The following MTHFD2L variants were observed in gnomAD, a reference collection of about 807,000 sequenced individuals.
MTHFD2L encodes methylenetetrahydrofolate dehydrogenase (NADP+ dependent) 2 like, also known as bifunctional methylenetetrahydrofolate dehydrogenase/cyclohydrolase 2, mitochondrial.
Under a neutral mutation model 34.9 loss-of-function variants are expected in MTHFD2L, and 29 were observed. That is an observed-to-expected ratio of 0.83 (90% CI 0.62 to 1.13). MTHFD2L has a LOEUF of 1.13. MTHFD2L is among the 50% of genes most tolerant of loss of function. The pLI, the probability that MTHFD2L is intolerant of heterozygous loss-of-function variation, is 0.00. For synonymous variants in MTHFD2L, 167 were observed against 155.7 expected, an observed-to-expected ratio of 1.07 and a Z score of -0.54; for missense variants, 481 against 446.5, an observed-to-expected ratio of 1.08 and a Z score of -0.70.
chr4:74,123,330 G>A (rs1318734430), upstream of MTHFD2L: 1 of 152,152 alleles, frequency 6.6e-6, no homozygotes, highest in African/African-American at 2.4e-5. Flanking sequence ...TGGGAAACTG[G>A]AAAGAAACAA....
chr4:74,253,883 C>A (rs951552063), intron 6 of MTHFD2L, among the ~76,000 whole-genome samples: 1 of 152,156 alleles, frequency 6.6e-6, no homozygotes, highest in Non-Finnish European at 1.5e-5. Flanking sequence ...GGACCCAAGC[C>A]CCTTGCTTAC....
chr4:74,257,869 T>C (rs940288312), intron 6 of MTHFD2L, among the ~76,000 whole-genome samples: 18 of 152,062 alleles, frequency 1.2e-4, no homozygotes, highest in African/African-American at 4.3e-4. Flanking sequence ...TACAACTCAT[T>C]AGCAAAAAGT....
chr4:74,179,040 A>T (rs1260866484), intron 3 of MTHFD2L, among the ~76,000 whole-genome samples: 1 of 151,970 alleles, frequency 6.6e-6, no homozygotes. Flanking sequence ...ATTTTATTGA[A>T]TCCTACAAAC....
chr4:74,176,973 TTTACA>T (rs1729168061), intron 3 of MTHFD2L, among the ~76,000 whole-genome samples: 1 of 152,080 alleles, frequency 6.6e-6, no homozygotes, highest in South Asian at 2.1e-4. Context: ...TTTTGTGCTG[TTTACA>T]TTATATCAAA....
chr4:74,239,088 A>G (rs1179705326), intron 6 of MTHFD2L, among the ~76,000 whole-genome samples: 2 of 152,220 alleles, frequency 1.3e-5, no homozygotes, highest in Non-Finnish European at 2.9e-5. Flanking sequence ...ACCAACCCCA[A>G]TGTCCATCAG....
At position 74,118,036 on chromosome 4, in the gene MTHFD2L, T is replaced by C. The variant is rs28600290; in HGVS notation, c.-144+3379T>C. Among the ~76,000 whole-genome samples, 1,513 of 152,340 alleles carry C rather than the reference T, an allele frequency of 9.9e-3. 20 individuals carry two copies. The highest frequency in any genetic ancestry group is 0.035 in the African/African-American group (1,439 of 41,570). On this transcript the variant is annotated intron_variant and NMD_transcript_variant, in intron 2 of 9. Coordinates refer to the MTHFD2L transcript ENST00000429519. ...TCTTATATATCTTTCCCATATATCC[T>C]ATTTACTGTTGTACTTACAACTCCT...
At chr4:74,275,086 T>G (rs1471945645) in intron 6 of MTHFD2L, among the ~76,000 whole-genome samples, 1 of 152,056 alleles carries the variant, frequency 6.6e-6, no homozygotes, top group Non-Finnish European at 1.5e-5. Flanking sequence ...GGTTAGCTAT[T>G]TGTCCTGATG....
At chr4:74,230,153 G>C (rs1187039114) in intron 6 of MTHFD2L, among the ~76,000 whole-genome samples, 1 of 151,964 alleles carries the variant, frequency 6.6e-6, no homozygotes, top group African/African-American at 2.4e-5. Context: ...ATTATTTTTG[G>C]GAACTACCAA....
intron 6 of MTHFD2L, among the ~76,000 whole-genome samples, chr4:74,246,504 T>G (rs971671919): frequency 1.3e-5 from 2 of 152,216 alleles, no homozygotes; most frequent in Non-Finnish European, 1.5e-5. Context: ...TTGTCAATTT[T>G]AGCTTTTTTT....
At chr4:74,216,183 A>G (rs1737179263) in intron 5 of MTHFD2L, among the ~76,000 whole-genome samples, 1 of 151,848 alleles carries the variant, frequency 6.6e-6, no homozygotes, top group African/African-American at 2.4e-5. Context: ...TTATCATTTA[A>G]GCACAGATTA....
At chr4:74,155,579 T>C (rs867220189), upstream of MTHFD2L, among the ~76,000 whole-genome samples, 19 of 152,206 alleles carry the variant, frequency 1.2e-4, no homozygotes, top group Middle Eastern at 3.4e-3. Flanking sequence ...AATAAAGTAA[T>C]AGGCAAATCT....
chr4:74,183,470 C>A, intron 3 of MTHFD2L: 1 of 152,094 alleles, frequency 6.6e-6, no homozygotes, highest in East Asian at 1.9e-4. Flanking sequence ...TGGCCAACAT[C>A]GGGAAACCCC....
At chr4:74,200,445 A>G (rs1012391551) in intron 4 of MTHFD2L, among the ~76,000 whole-genome samples, 2 of 152,220 alleles carry the variant, frequency 1.3e-5, no homozygotes, top group Admixed American at 1.3e-4. Flanking sequence ...GTAGTGGTAT[A>G]TGTCGGCCTT....
chr4:74,174,401 G>T (rs1439691459), intron 1 of MTHFD2L, 105 bp from the exon 2 acceptor site: 11 of 861,664 alleles, frequency 1.3e-5, no homozygotes, highest in Non-Finnish European at 1.7e-5. Flanking sequence ...TCAAATTTTG[G>T]GTGCTTGGAG....
chr4:74,221,334 T>C (rs1406035909), intron 5 of MTHFD2L, among the ~76,000 whole-genome samples: 1 of 151,822 alleles, frequency 6.6e-6, no homozygotes, highest in Admixed American at 6.6e-5. Context: ...ACATTTTCTG[T>C]ATCCTTGATC....
intron 3 of MTHFD2L, among the ~76,000 whole-genome samples, chr4:74,176,603 C>T (rs1173701953): frequency 6.6e-6 from 1 of 152,006 alleles, no homozygotes; most frequent in Non-Finnish European, 1.5e-5. Flanking sequence ...GAAAGAAGTG[C>T]TATGACTGGT....
intron 7 of MTHFD2L, among the ~76,000 whole-genome samples, chr4:74,285,674 T>A (rs1235977993): frequency 6.6e-6 from 1 of 152,116 alleles, no homozygotes; most frequent in Non-Finnish European, 1.5e-5. Context: ...TGACAAAAAA[T>A]TTTTAAAGGT....
At chr4:74,248,002 G>A (rs557718083) in intron 6 of MTHFD2L, among the ~76,000 whole-genome samples, 43 of 152,300 alleles carry the variant, frequency 2.8e-4, no homozygotes, top group Admixed American at 2.7e-3. Context: ...CATAAAATGA[G>A]TTAGGGAGGA....
chr4:74,297,225 T>C (rs1749740134), intron 7 of MTHFD2L, among the ~76,000 whole-genome samples: 1 of 152,084 alleles, frequency 6.6e-6, no homozygotes, highest in South Asian at 2.1e-4. Context: ...AACATTTCCA[T>C]GTCATCTTCA....
Sources: allele counts gnomAD v4.1 joint callset (sites outside exome capture counted in the v4.1 genomes callset), GRCh38; gene constraint gnomAD v4.1.1; transcripts MANE v1.5; gene names NCBI Gene and HGNC (gene_info 2026-07-23, HGNC 2026-07-21).